Variants in USO1 observed in about 807,000 individuals in gnomAD.
The protein encoded by USO1 is USO1 vesicle transport factor.
A neutral mutation model predicts 124.5 loss-of-function variants in USO1; 57 were observed. That is an observed-to-expected ratio of 0.46 (90% CI 0.37 to 0.57). USO1 has a LOEUF of 0.57. Among genes scored for constraint, USO1 ranks in the 20% least tolerant of loss-of-function variants. USO1 has a pLI of 0.00. For synonymous variants in USO1, 369 were observed against 362.8 expected, an observed-to-expected ratio of 1.02 and a Z score of -0.19; for missense variants, 900 against 1,040.6, an observed-to-expected ratio of 0.86 and a Z score of 1.86.
chr4:75,793,945 C>T, intron 13 of USO1, 44 bp downstream of exon 13: 1 of 1,609,626 alleles, frequency 6.2e-7, no homozygotes, highest in Non-Finnish European at 8.5e-7. Flanking sequence ...ATTTTGATGT[C>T]AGTGATACAG....
intron 17 of USO1, 44 bp downstream of exon 17, chr4:75,801,244 C>T (rs1722843028): frequency 6.7e-7 from 1 of 1,493,194 alleles, no homozygotes; most frequent in East Asian, 2.4e-5. Context: ...TACCAATAGG[C>T]ACTTTCTGCT....
chr4:75,782,746 A>T lies in USO1; in HGVS notation c.743A>T (p.Asn248Ile). 1 of 1,583,776 alleles carries T rather than the reference A, an allele frequency of 6.3e-7. No individual in the cohort carries two copies. Among genetic ancestry groups the T allele is most frequent in the Non-Finnish European group, 8.6e-7 (1 of 1,166,176 alleles). The change falls in exon 9 of 24, where the codon AAT becomes ATT. Residue 248 changes from asparagine (N) to isoleucine (I), a missense_variant. Transcript: ENST00000514213. ...NLLKNNNSNQNFFKEGSYIQR... is the reference protein window; with the variant it reads ...NLLKNNNSNQIFFKEGSYIQR... ...TTAAAAAACAACAACTCCAATCAAA[A>T]TTTTTTTAAAGAAGGCTCATATATT...
Position 75,785,183 on chromosome 4 carries a change from C to A in USO1, c.856-1879C>A, listed in dbSNP as rs372773291. Among the ~76,000 whole-genome samples the A allele has an allele frequency of 7.9e-5, 12 of 152,226 alleles. No homozygotes were observed. The East Asian group carries it at 2.3e-3, about 29-fold the overall frequency. On this transcript the variant is annotated intron_variant, in intron 9 of 23. Transcript: ENST00000514213. ...TAAATAAAAATGCATCATTGTTTTCCTGTTGGGACATACACATTCTGTGTT... is the reference window on the plus strand; with the variant it reads ...TAAATAAAAATGCATCATTGTTTTCATGTTGGGACATACACATTCTGTGTT...
intron 13 of USO1, 109 bp from the exon 14 acceptor site, chr4:75,799,513 T>C: frequency 7.9e-7 from 1 of 1,259,680 alleles, no homozygotes; most frequent in Non-Finnish European, 1.1e-6. Context: ...GCTCATCTCT[T>C]GTAAGATGTT....
chr4:75,775,552 G>A (rs1722050021), intron 8 of USO1, among the ~76,000 whole-genome samples: 1 of 151,974 alleles, frequency 6.6e-6, no homozygotes, highest in Non-Finnish European at 1.5e-5. Context: ...AAAATAAAAA[G>A]GGGGATAAGG....
chr4:75,781,152 G>A (rs966684402), intron 8 of USO1, among the ~76,000 whole-genome samples: 5 of 151,994 alleles, frequency 3.3e-5, no homozygotes, highest in Admixed American at 6.6e-5. Flanking sequence ...AGTTGATTCC[G>A]GCAACCCTCA....
intron 1 of USO1, among the ~76,000 whole-genome samples, chr4:75,730,281 G>C (rs1466381633): frequency 6.6e-6 from 1 of 152,118 alleles, no homozygotes; most frequent in Non-Finnish European, 1.5e-5. Flanking sequence ...AATTTGAATA[G>C]ATGTCCATGA....
At chr4:75,752,683 A>T (rs1269958706) in intron 3 of USO1, 79 bp downstream of exon 3, 10 of 396,166 alleles carry the variant, frequency 2.5e-5, no homozygotes, top group Non-Finnish European at 4.4e-5. Context: ...ATTCCAAAAG[A>T]TTGCTTTTTT....
At chr4:75,762,164 CTTTTT>C (rs375866579) in intron 4 of USO1, among the ~76,000 whole-genome samples, 38 of 70,148 alleles carry the variant, frequency 5.4e-4, no homozygotes, top group African/African-American at 1.7e-3. Context: ...AACAATTTTA[CTTTTT>C]TTTTTTTTTT....
chr4:75,725,114 G>T (rs975332116), intron 1 of USO1: 16 of 581,058 alleles, frequency 2.8e-5, no homozygotes, highest in Non-Finnish European at 4.6e-5. Flanking sequence ...GCCGCGCCCC[G>T]CAGCTCTGTA....
intron 1 of USO1, among the ~76,000 whole-genome samples, chr4:75,743,207 G>T (rs533528463): frequency 2.0e-5 from 3 of 152,026 alleles, no homozygotes; most frequent in Admixed American, 2.0e-4. Context: ...GGATGGTCAC[G>T]ATCTCCTGAC....
chr4:75,790,407 C>T (rs1015578224), intron 11 of USO1, among the ~76,000 whole-genome samples, 169 bp downstream of exon 11: 4 of 152,198 alleles, frequency 2.6e-5, no homozygotes, highest in African/African-American at 9.6e-5. Context: ...AGTTGGTAGT[C>T]TTTGGAATTT....
In USO1 at chr4:75,790,880, T is replaced by C; in HGVS notation, c.1240+83T>C. The C allele has an allele frequency of 4.3e-6, 6 of 1,401,816 alleles. No individual in the cohort carries two copies. In the South Asian group the frequency reaches 1.0e-4, roughly 24 times the overall value. 86.8% of individuals were successfully genotyped at this position (1,401,816 alleles called of 1,614,324 possible). On this transcript the variant is annotated intron_variant, in intron 12 of 23. Coordinates refer to ENST00000514213, the MANE Select transcript of USO1 (RefSeq NM_003715.4). ...TTAATTGATTCTTTCTTTTTATGCT[T>C]TAGCCTAAAATACTTTGCATGCTTA...
At chr4:75,797,221 T>C (rs115167219) in intron 13 of USO1, among the ~76,000 whole-genome samples, 201 of 152,224 alleles carry the variant, frequency 1.3e-3, no homozygotes, top group African/African-American at 4.7e-3. Context: ...GTTTATCTTA[T>C]ACTTTCTGGT....
chr4:75,746,859 C>T (rs1302107085), intron 1 of USO1, among the ~76,000 whole-genome samples: 2 of 152,048 alleles, frequency 1.3e-5, no homozygotes, highest in Non-Finnish European at 2.9e-5. Context: ...AAATTTAAAT[C>T]TGCAATATTT....
At chr4:75,773,388 G>A (rs1481172247) in intron 7 of USO1, among the ~76,000 whole-genome samples, 1 of 151,968 alleles carries the variant, frequency 6.6e-6, no homozygotes, top group East Asian at 1.9e-4. Context: ...GACCTTGAAA[G>A]CTAGTGGGTT....
intron 13 of USO1, chr4:75,795,289 T>C (rs1430201902): frequency 1.4e-6 from 1 of 700,142 alleles, no homozygotes; most frequent in African/African-American, 1.8e-5. Context: ...TTTAGACTTT[T>C]CTAAAGTAGT....
At chr4:75,789,152 T>G (rs1307670363) in intron 10 of USO1, among the ~76,000 whole-genome samples, 1 of 152,188 alleles carries the variant, frequency 6.6e-6, no homozygotes, top group Non-Finnish European at 1.5e-5. Flanking sequence ...CTGTGGACCT[T>G]TTCCCCACTC....
intron 17 of USO1, among the ~76,000 whole-genome samples, chr4:75,803,918 A>T (rs190078593): frequency 3.3e-5 from 5 of 152,244 alleles, no homozygotes; most frequent in Admixed American, 3.3e-4. Flanking sequence ...ATGTTTATTA[A>T]TGGAGCCTTC....
Sources: allele counts gnomAD v4.1 joint callset (sites outside exome capture counted in the v4.1 genomes callset), GRCh38; gene constraint gnomAD v4.1.1; transcripts MANE v1.5; gene names NCBI Gene and HGNC (gene_info 2026-07-23, HGNC 2026-07-21).